Variants in CHD9 observed in about 807,000 individuals in gnomAD.
CHD9 encodes the protein chromodomain helicase DNA binding protein 9.
In CHD9, 77 loss-of-function variants were observed where a neutral mutation model predicts 316.1. The ratio of observed to expected loss-of-function variants is 0.24; its 90% confidence interval spans 0.20 to 0.29. The LOEUF is 0.29. CHD9 is among the 10% of genes least tolerant of loss of function. The probability of loss-of-function intolerance (pLI) is 1.00; values close to 1 mark genes in which losing one functional copy is unlikely to be tolerated. For missense variants in CHD9, 2,763 were observed against 3,438.1 expected, an observed-to-expected ratio of 0.80 and a Z score of 4.91; for synonymous variants, 1,129 against 1,158.3, an observed-to-expected ratio of 0.97 and a Z score of 0.51.
chr16:53,272,055 A>G (rs879816407), intron 22 of CHD9, among the ~76,000 whole-genome samples: 1 of 152,120 alleles, frequency 6.6e-6, no homozygotes, highest in Non-Finnish European at 1.5e-5. Flanking sequence ...TCACCTGTTA[A>G]AAGAGGAAAA....
chr16:53,084,975 G>T (rs1290713444), intron 1 of CHD9, among the ~76,000 whole-genome samples: 1 of 152,194 alleles, frequency 6.6e-6, no homozygotes, highest in Non-Finnish European at 1.5e-5. Flanking sequence ...AACTTGGACT[G>T]CTAGACAGGC....
At position 53,304,477 on chromosome 16, in the gene CHD9, C is replaced by A; in HGVS notation, c.6471C>A (p.Ser2157=). ...CTTCCTCATCATCCTCTTCTTGCTC[C>A]CACTCTCGATCAGGCTCTAGTTCTT... The part of the protein sequence containing the change: ...SSSSSSSSSC[S]HSRSGSSSSS... Residue 2157 remains serine, a synonymous_variant, in exon 31 of 39, where the codon TCC becomes TCA. Transcript: ENST00000447540. The A allele has an allele frequency of 6.4e-7, 1 of 1,560,846 alleles. No homozygotes were observed.
intron 1 of CHD9, among the ~76,000 whole-genome samples, chr16:53,088,809 G>C (rs1412560911): frequency 5.3e-5 from 8 of 151,410 alleles, no homozygotes; most frequent in Admixed American, 2.6e-4. Flanking sequence ...GTGAGACCCT[G>C]TCTTTACAAT....
At position 53,175,055 on chromosome 16, in the gene CHD9, C is replaced by A. The variant is rs147414367; in HGVS notation, c.1452+17514C>A. ...GGCTAATTTTACTCCCCTACTGACA[C>A]AATCGCCTTGTGAGTCCTCTACCGG... On this transcript the variant is annotated intron_variant, in intron 2 of 38. Coordinates refer to ENST00000447540, the MANE Select transcript of CHD9 (RefSeq NM_001308319.2). Among the ~76,000 whole-genome samples the A allele has an allele frequency of 4.6e-5, 7 of 152,318 alleles. No individual in the cohort carries two copies. The South Asian group carries it at 1.4e-3, about 32-fold the overall frequency.
intron 1 of CHD9, among the ~76,000 whole-genome samples, chr16:53,132,995 A>T (rs1390291297): frequency 2.0e-5 from 3 of 151,978 alleles, no homozygotes; most frequent in African/African-American, 7.2e-5. Context: ...TGCTTTAAAA[A>T]TTCACGTTAT....
intron 1 of CHD9, among the ~76,000 whole-genome samples, chr16:53,111,678 TC>T (rs2037877331): frequency 6.6e-6 from 1 of 152,220 alleles, no homozygotes; most frequent in Admixed American, 6.5e-5. Flanking sequence ...TGGGGAATTT[TC>T]TTTTTTGTTT....
intron 30 of CHD9, among the ~76,000 whole-genome samples, chr16:53,297,755 A>G (rs1055301326): frequency 3.3e-5 from 5 of 152,188 alleles, no homozygotes; most frequent in African/African-American, 1.2e-4. Context: ...TCTTTGTTGT[A>G]TATGATTTCT....
At chr16:53,180,251 C>A (rs1016742958) in intron 2 of CHD9, among the ~76,000 whole-genome samples, 13 of 152,080 alleles carry the variant, frequency 8.5e-5, no homozygotes, top group Non-Finnish European at 1.6e-4. Flanking sequence ...AGGTGATCCA[C>A]CTTCCTCGGC....
At chr16:53,205,564 A>G (rs989789591) in intron 2 of CHD9, among the ~76,000 whole-genome samples, 7 of 152,194 alleles carry the variant, frequency 4.6e-5, no homozygotes, top group Non-Finnish European at 8.8e-5. Context: ...CAGTTACTTA[A>G]CACCTCTGTT....
chr16:53,146,497 G>A (rs1481650401), intron 1 of CHD9, among the ~76,000 whole-genome samples: 1 of 145,078 alleles, frequency 6.9e-6, no homozygotes, highest in African/African-American at 2.6e-5. Context: ...CTACCGAACT[G>A]TATACTTAAA....
At chr16:53,095,719 A>T (rs1192327635) in intron 1 of CHD9, among the ~76,000 whole-genome samples, 2 of 152,274 alleles carry the variant, frequency 1.3e-5, no homozygotes, top group Non-Finnish European at 1.5e-5. Flanking sequence ...AGTATGTTCC[A>T]TGGGAATTTA....
chr16:53,140,985 G>A (rs2040067076), intron 1 of CHD9, among the ~76,000 whole-genome samples: 1 of 152,206 alleles, frequency 6.6e-6, no homozygotes, highest in Non-Finnish European at 1.5e-5. Context: ...ATATAAGTAA[G>A]CATTAGAAGA....
chr16:53,164,226 C>A (rs2042115654), intron 2 of CHD9, among the ~76,000 whole-genome samples: 1 of 152,128 alleles, frequency 6.6e-6, no homozygotes, highest in African/African-American at 2.4e-5. Context: ...GCTATATTCA[C>A]AATCGTTTAT....
At chr16:53,317,163 CAAAA>C (rs537619212) in intron 36 of CHD9, among the ~76,000 whole-genome samples, 2 of 81,748 alleles carry the variant, frequency 2.4e-5, no homozygotes, top group African/African-American at 4.8e-5. Flanking sequence ...AACTCCATCT[CAAAA>C]AAAAAAAAAA....
intron 29 of CHD9, 33 bp downstream of exon 29, chr16:53,293,085 G>A: frequency 6.6e-7 from 1 of 1,519,350 alleles, no homozygotes; most frequent in Non-Finnish European, 9.0e-7. Context: ...TTAATGTATT[G>A]TCTAAATGTA....
chr16:53,070,383 A>G (rs1178854512), intron 1 of CHD9, among the ~76,000 whole-genome samples: 1 of 151,994 alleles, frequency 6.6e-6, no homozygotes, highest in Non-Finnish European at 1.5e-5. Context: ...TAGCTCTTAT[A>G]TTTTAAGTTT....
chr16:53,205,482 G>A (rs1018339883), intron 2 of CHD9, among the ~76,000 whole-genome samples: 2 of 152,142 alleles, frequency 1.3e-5, no homozygotes, highest in Non-Finnish European at 2.9e-5. Context: ...GATGGTGGGG[G>A]GAAGGGCAGA....
At chr16:53,133,784 T>G (rs1304004003) in intron 1 of CHD9, among the ~76,000 whole-genome samples, 1 of 152,166 alleles carries the variant, frequency 6.6e-6, no homozygotes, top group African/African-American at 2.4e-5. Context: ...TTTAGAAACT[T>G]TAATTACAAA....
chr16:53,249,680 A>T (rs745358329), intron 16 of CHD9, among the ~76,000 whole-genome samples, 191 bp from the exon 17 acceptor site: 18 of 152,130 alleles, frequency 1.2e-4, no homozygotes, highest in Non-Finnish European at 2.4e-4. Flanking sequence ...TTGTATCTTT[A>T]TATTAGTTTT....
Sources: allele counts gnomAD v4.1 joint callset (sites outside exome capture counted in the v4.1 genomes callset), GRCh38; gene constraint gnomAD v4.1.1; transcripts MANE v1.5; gene names NCBI Gene and HGNC (gene_info 2026-07-23, HGNC 2026-07-21).